The following PLIN1 variants were observed in gnomAD, a reference collection of about 807,000 sequenced individuals.
PLIN1 encodes the protein perilipin 1.
A neutral mutation model predicts 45.8 loss-of-function variants in PLIN1; 37 were observed. That is an observed-to-expected ratio of 0.81 (90% confidence interval 0.62 to 1.06). PLIN1 has a LOEUF of 1.06. Among genes scored for constraint, PLIN1 ranks in the 50% least tolerant of loss-of-function variants. The probability of loss-of-function intolerance (pLI) is 0.00; values close to 1 mark genes in which losing one functional copy is unlikely to be tolerated. For synonymous variants in PLIN1, 340 were observed against 309.2 expected (o/e 1.10, Z -1.05); for missense variants, 776 against 716.5 (o/e 1.08, Z -0.95).
chr15:89,673,076 T>C (rs1056916057), intron 3 of PLIN1, 134 bp downstream of exon 3: 1 of 712,442 alleles, frequency 1.4e-6, no homozygotes, highest in South Asian at 1.5e-5. Context: ...AAGAAGACCA[T>C]GCAATGGGAT....
Position 89,664,801 on chromosome 15 carries a change from C to G in PLIN1, c.*782G>C. The stretch of plus-strand genomic sequence containing the variant: ...CTAGATTTATCAAATATTAACATTT[C>G]GAAGACTAGGGTTGGGGATGAACTG... On this transcript the variant is annotated 3_prime_UTR_variant, in exon 9 of 9. Coordinates refer to ENST00000300055, the MANE Select transcript of PLIN1 (RefSeq NM_002666.5). 2 of 435,640 alleles carry G rather than the reference C, an allele frequency of 4.6e-6. No homozygotes were observed. The highest frequency in any genetic ancestry group is 9.2e-6 in the Non-Finnish European group (2 of 216,782). The allele number at this position is 435,640 out of a possible 1,614,324, so 27.0% of individuals were successfully genotyped here. A position where few individuals can be genotyped will look rare whatever the true frequency, so the allele number is the denominator to read the frequency against.
chr15:89,666,080 T>C (rs1382564512), intron 8 of PLIN1, 138 bp from the exon 9 acceptor site: 1 of 550,538 alleles, frequency 1.8e-6, no homozygotes, highest in Non-Finnish European at 2.8e-6. Flanking sequence ...AGCGGTTCAG[T>C]AGTTTGGGGG....
At position 89,670,098 on chromosome 15, in the gene PLIN1, A is replaced by C. The variant is rs1344151160; in HGVS notation, c.480T>G (p.Thr160=). Residue 160 remains threonine, a synonymous_variant, in exon 5 of 9, where the codon ACT becomes ACG. Transcript: ENST00000300055. The stretch of plus-strand genomic sequence containing the variant: ...CTCGAGTGTTGGCAGCAAATTCCGC[A>C]GTGTCTCTGGCCACCCCCCAGGCAA... The part of the protein sequence containing the change: ...CELAWGVARD[T]AEFAANTRAG... 8.7e-6 allele frequency: 14 copies of C among 1,614,194 alleles called. No individual in the cohort carries two copies. Among genetic ancestry groups the C allele is most frequent in the Non-Finnish European group, 1.2e-5 (14 of 1,180,022 alleles).
chr15:89,677,028 C>A, intron 2 of PLIN1: 1 of 255,426 alleles, frequency 3.9e-6, no homozygotes, highest in Non-Finnish European at 7.8e-6. Flanking sequence ...ACAGGCTGTG[C>A]ACCGTCTAAC....
Position 89,664,768 on chromosome 15 carries a change from T to G in PLIN1, c.*815A>C, listed in dbSNP as rs570040169. 75 of 429,582 alleles carry G rather than the reference T, an allele frequency of 1.7e-4. 4 individuals are homozygous for G. The highest frequency in any genetic ancestry group is 1.2e-3 in the South Asian group (75 of 60,448). 26.6% of individuals were successfully genotyped at this position (429,582 alleles called of 1,614,324 possible). A position where few individuals can be genotyped will look rare whatever the true frequency, so the allele number is the denominator to read the frequency against. On this transcript the variant is annotated 3_prime_UTR_variant, in exon 9 of 9. Transcript: ENST00000300055. The stretch of plus-strand genomic sequence containing the variant: ...TATTTGAATTCTGTAATTGTATGAA[T>G]GCATTTTCTAGATTTATCAAATATT...
Position 89,665,024 on chromosome 15 carries a change from C to A in PLIN1, c.*559G>T. On this transcript the variant is annotated 3_prime_UTR_variant, in exon 9 of 9. Transcript: ENST00000300055. ...AAGTGACACTAGTATTTTAAATAAA[C>A]ACCCAAGAGCTTTTGCATCTGATTG... 2.3e-6 allele frequency: 1 copy of A among 432,266 alleles called. No homozygotes were observed. The highest frequency in any genetic ancestry group is 4.6e-6 in the Non-Finnish European group (1 of 215,340). 26.8% of individuals were successfully genotyped at this position (432,266 alleles called of 1,614,324 possible).
Position 89,665,020 on chromosome 15 carries a change from T to TAAAC in PLIN1, c.*559_*562dup, listed in dbSNP as rs1444866298. On this transcript the variant is annotated 3_prime_UTR_variant, in exon 9 of 9. Transcript: ENST00000300055. ...CAGAAAGTGACACTAGTATTTTAAA[T>TAAAC]AAACACCCAAGAGCTTTTGCATCTG... 12 of 439,608 alleles carry TAAAC rather than the reference T, an allele frequency of 2.7e-5. No individual in the cohort carries two copies. The highest frequency in any genetic ancestry group is 3.4e-4 in the Middle Eastern group (1 of 2,972). The allele number at this position is 439,608 out of a possible 1,614,324, so 27.2% of individuals were successfully genotyped here. A position where few individuals can be genotyped will look rare whatever the true frequency, so the allele number is the denominator to read the frequency against.
intron 7 of PLIN1, 152 bp downstream of exon 7, chr15:89,667,450 G>T (rs368582182): frequency 1.0e-5 from 13 of 1,239,762 alleles, no homozygotes; most frequent in Non-Finnish European, 1.5e-5. Context: ...GAAGTCCCTC[G>T]CCAGCTGGGC....
In PLIN1 at chr15:89,665,832, G is replaced by A. The variant is rs750021787; in HGVS notation, c.1320C>T (p.Ser440=). ...GACGCGGGGCGGGCTCCGGGCCGGC[G>A]GACGGCGCCCCAGACGCTCTGCGCT... The part of the protein sequence containing the change: ...EAERRASGAP[S]AGPEPAPRLA... Residue 440 remains serine, a synonymous_variant, in exon 9 of 9, where the codon TCC becomes TCT. Transcript: ENST00000300055. 4.9e-6 allele frequency: 7 copies of A among 1,424,598 alleles called. No homozygotes were observed. The highest frequency in any genetic ancestry group is 1.4e-5 in the South Asian group (1 of 71,250). 88.2% of individuals were successfully genotyped at this position (1,424,598 alleles called of 1,614,324 possible). A position where few individuals can be genotyped will look rare whatever the true frequency, so the allele number is the denominator to read the frequency against.
chr15:89,666,273 C>T (rs1256123737), intron 8 of PLIN1, among the ~76,000 whole-genome samples: 1 of 152,210 alleles, frequency 6.6e-6, no homozygotes, highest in African/African-American at 2.4e-5. Context: ...GGCCAGGGAC[C>T]GGTACACCTT....
chr15:89,671,555 G>A lies in PLIN1; in HGVS notation c.260C>T (p.Ala87Val). Residue 87 changes from alanine to valine, a missense_variant, in exon 4 of 9, where the codon GCC becomes GTC. Ala to Val is a moderately conservative substitution (Grantham distance 64). Coordinates refer to ENST00000300055, the MANE Select transcript of PLIN1 (RefSeq NM_002666.5). ...CAAGCCTCGGCAGGCCAGCTCATTGGCAGCTGTGACTGGAAGGAAAGGGCC... is the reference window on the plus strand; with the variant it reads ...CAAGCCTCGGCAGGCCAGCTCATTGACAGCTGTGACTGGAAGGAAAGGGCC... Reference protein sequence around the residue: ...VRRLSTQFTAANELACRGLDH... With the variant: ...VRRLSTQFTAVNELACRGLDH... 6.4e-7 allele frequency: 1 copy of A among 1,565,428 alleles called. No homozygotes were observed.
chr15:89,667,575 C>T, intron 7 of PLIN1, 27 bp downstream of exon 7: 1 of 1,614,138 alleles, frequency 6.2e-7, no homozygotes, highest in Non-Finnish European at 8.5e-7. Context: ...GGCTGGGGGA[C>T]CTTGAGGCTC....
intron 6 of PLIN1, among the ~76,000 whole-genome samples, chr15:89,668,203 T>C (rs1289218314): frequency 6.6e-6 from 1 of 152,194 alleles, no homozygotes; most frequent in African/African-American, 2.4e-5. Context: ...TAATAGCTCC[T>C]TTAGTTAAAT....
intron 2 of PLIN1, among the ~76,000 whole-genome samples, chr15:89,675,386 C>T (rs912797158): frequency 1.2e-4 from 15 of 120,732 alleles, no homozygotes; most frequent in African/African-American, 4.8e-4. Context: ...GCGGGAGGAT[C>T]ATTTGAAGCC....
chr15:89,665,484 G>T lies in PLIN1; in HGVS notation c.*99C>A, dbSNP rs1192262150. 1 of 1,164,434 alleles carries T rather than the reference G, an allele frequency of 8.6e-7. No individual in the cohort carries two copies. The highest frequency in any genetic ancestry group is 1.6e-5 in the African/African-American group (1 of 63,538). The allele number at this position is 1,164,434 out of a possible 1,614,324, so 72.1% of individuals were successfully genotyped here. A position where few individuals can be genotyped will look rare whatever the true frequency, so the allele number is the denominator to read the frequency against. ...CAGGATGAGGCTGAGCTCCCCAGGG[G>T]ACCACTTTGAAAGTGGCAACGCTCG... On this transcript the variant is annotated 3_prime_UTR_variant, in exon 9 of 9. Transcript: ENST00000300055.
chr15:89,665,470 T>G lies in PLIN1; in HGVS notation c.*113A>C. ...CTTGGCAGCATCATCAGGATGAGGC[T>G]GAGCTCCCCAGGGGACCACTTTGAA... is the stretch of plus-strand genomic sequence containing the variant. On this transcript the variant is annotated 3_prime_UTR_variant, in exon 9 of 9. Transcript: ENST00000300055. 9 of 905,296 alleles carry G rather than the reference T, an allele frequency of 9.9e-6. No individual in the cohort carries two copies. The highest frequency in any genetic ancestry group is 1.3e-5 in the Non-Finnish European group (8 of 638,812). The allele number at this position is 905,296 out of a possible 1,614,324, so 56.1% of individuals were successfully genotyped here.
At chr15:89,669,936 G>A in intron 5 of PLIN1, 44 bp downstream of exon 5, 1 of 1,585,266 alleles carries the variant, frequency 6.3e-7, no homozygotes, top group Non-Finnish European at 8.6e-7. Context: ...CAGGCAGTGT[G>A]TGTGACAACT....
intron 2 of PLIN1, among the ~76,000 whole-genome samples, chr15:89,674,004 A>G (rs986697391): frequency 6.6e-6 from 1 of 152,000 alleles, no homozygotes; most frequent in African/African-American, 2.4e-5. Flanking sequence ...GGCTCTCTCC[A>G]CATTCGTCAC....
intron 2 of PLIN1, 66 bp downstream of exon 2, chr15:89,677,379 C>G (rs531593035): frequency 3.5e-4 from 445 of 1,261,814 alleles, no homozygotes; most frequent in Non-Finnish European, 4.9e-4. Flanking sequence ...CTGCATCTCC[C>G]CTCCCTGCTT....
Sources: gnomAD v4.1 joint callset for allele counts (sites outside exome capture counted in the v4.1 genomes callset) on GRCh38, gnomAD v4.1.1 for gene constraint, MANE v1.5 for transcripts, NCBI Gene and HGNC (gene_info 2026-07-23, HGNC 2026-07-21) for gene names.